Variants in ATL2 observed in about 807,000 individuals in gnomAD.
ATL2 encodes atlastin-2.
Under a neutral mutation model 73.9 loss-of-function variants are expected in ATL2, and 31 were observed. That is an observed-to-expected ratio of 0.42 (90% confidence interval 0.32 to 0.57). ATL2 has a LOEUF of 0.57. ATL2 is among the 20% of genes least tolerant of loss of function. ATL2 has a pLI of 0.14. For missense variants in ATL2, 738 were observed against 702.6 expected (o/e 1.05, Z -0.57); for synonymous variants, 291 against 237.5 (o/e 1.23, Z -2.07).
chr2:38,324,422 C>T (rs1668488937), intron 2 of ATL2, among the ~76,000 whole-genome samples: 1 of 152,178 alleles, frequency 6.6e-6, no homozygotes, highest in Non-Finnish European at 1.5e-5. Flanking sequence ...ACTCAGCACC[C>T]AAAGTGATGG....
upstream of ATL2, among the ~76,000 whole-genome samples, chr2:38,377,440 C>T (rs967749795): frequency 2.0e-5 from 3 of 150,868 alleles, no homozygotes; most frequent in African/African-American, 7.3e-5. Flanking sequence ...CCTCCGCCCC[C>T]GCCCCGCCCA....
chr2:38,318,735 CAAGAA>C (rs1289811477), intron 3 of ATL2, 96 bp from the exon 4 acceptor site: 17 of 1,326,470 alleles, frequency 1.3e-5, no homozygotes, highest in African/African-American at 7.4e-5. Context: ...GTAATTAAAT[CAAGAA>C]AAGTACTTAT....
At chr2:38,348,674 T>G (rs375007389) in intron 1 of ATL2, among the ~76,000 whole-genome samples, 215 of 147,596 alleles carry the variant, frequency 1.5e-3, no homozygotes, top group African/African-American at 4.7e-3. Flanking sequence ...TGACAAATGG[T>G]ATCTAATTAA....
intron 2 of ATL2, among the ~76,000 whole-genome samples, chr2:38,320,204 C>T (rs879273849): frequency 6.6e-6 from 1 of 152,082 alleles, no homozygotes; most frequent in Non-Finnish European, 1.5e-5. Flanking sequence ...CTTTTTTAAA[C>T]CAACAGGAAA....
At chr2:38,319,150 A>C in intron 2 of ATL2, 131 bp from the exon 3 acceptor site, 1 of 949,100 alleles carries the variant, frequency 1.1e-6, no homozygotes, top group Non-Finnish European at 1.6e-6. Context: ...TGTGTAACAA[A>C]CAAGTAGTTA....
rs75186781 is a variant in ATL2, at chr2:38,373,558, T to C, written c.118+3585A>G. 2.7e-3 allele frequency among the ~76,000 whole-genome samples: 410 copies of C among 152,302 alleles called. 9 individuals are homozygous for C. The East Asian group carries it at 0.065, about 24-fold the overall frequency. On this transcript the variant is annotated intron_variant, in intron 1 of 12. Transcript: ENST00000378954. The stretch of plus-strand genomic sequence containing the variant: ...TTAGTCTTTTATGACTTAAAAGTTG[T>C]TTCTAGTAACTATCATCCGACCATA...
chr2:38,332,120 AT>A (rs1188589149), intron 2 of ATL2, among the ~76,000 whole-genome samples: 6 of 152,200 alleles, frequency 3.9e-5, no homozygotes, highest in African/African-American at 1.4e-4. Flanking sequence ...CAGAAAATAG[AT>A]TAGCGGTTCC....
intron 4 of ATL2, among the ~76,000 whole-genome samples, chr2:38,317,811 A>C (rs993816917): frequency 6.6e-6 from 1 of 151,864 alleles, no homozygotes; most frequent in African/African-American, 2.4e-5. Flanking sequence ...TTAAAAAAAA[A>C]AGTATGTATT....
chr2:38,360,725 T>G (rs1670963949), intron 1 of ATL2, among the ~76,000 whole-genome samples: 2 of 152,178 alleles, frequency 1.3e-5, no homozygotes, highest in African/African-American at 4.8e-5. Context: ...AGACGGGCTC[T>G]TAGGTACTTT....
rs1197957683 is a variant in ATL2, at chr2:38,314,622, G to C, written c.697C>G (p.Gln233Glu). The C allele has an allele frequency of 6.2e-7, 1 of 1,600,030 alleles. No individual in the cohort carries two copies. Among genetic ancestry groups the C allele is most frequent in the South Asian group, 1.1e-5 (1 of 90,532 alleles). Residue 233 changes from glutamine to glutamate, a missense_variant, in exon 6 of 13, where the codon CAG becomes GAG. Physicochemically the swap from Gln to Glu is conservative, Grantham distance 29. Transcript: ENST00000378954. ...YGRLAMEEIY[Q>E]KPFQTLMFLI... Reference sequence around the variant, plus strand: ...AACTTTTTTACCTGAAATGGTTTCTGGTAGATTTCTTCCATCGCAAGTCTT... The same window carrying C: ...AACTTTTTTACCTGAAATGGTTTCTCGTAGATTTCTTCCATCGCAAGTCTT...
At chr2:38,315,442 A>C in intron 4 of ATL2, 108 bp from the exon 5 acceptor site, 2 of 1,153,846 alleles carry the variant, frequency 1.7e-6, no homozygotes, top group Non-Finnish European at 1.2e-6. Flanking sequence ...CTCAGCGCAA[A>C]GGAATCATTT....
At chr2:38,322,723 G>C (rs979248561) in intron 2 of ATL2, among the ~76,000 whole-genome samples, 33 of 152,058 alleles carry the variant, frequency 2.2e-4, no homozygotes, top group Admixed American at 8.5e-4. Context: ...GTCAGCAAAA[G>C]GATGAAAGAA....
intron 1 of ATL2, among the ~76,000 whole-genome samples, chr2:38,363,858 T>G (rs1366649642): frequency 6.6e-6 from 1 of 152,234 alleles, no homozygotes; most frequent in Non-Finnish European, 1.5e-5. Context: ...AAATGCTATT[T>G]GAGTACAAAA....
chr2:38,310,050 C>A (rs1667662769), intron 8 of ATL2, among the ~76,000 whole-genome samples: 1 of 152,168 alleles, frequency 6.6e-6, no homozygotes, highest in African/African-American at 2.4e-5. Flanking sequence ...AAAAGAAATG[C>A]TCTCAGCCTT....
intron 2 of ATL2, among the ~76,000 whole-genome samples, chr2:38,327,551 A>C (rs571058183): frequency 1.3e-5 from 2 of 151,910 alleles, no homozygotes; most frequent in Admixed American, 1.3e-4. Context: ...AAAAAAAAAA[A>C]AAAAACACCA....
At chr2:38,347,606 A>G (rs1306251838) in intron 1 of ATL2, among the ~76,000 whole-genome samples, 2 of 152,088 alleles carry the variant, frequency 1.3e-5, no homozygotes, top group African/African-American at 4.8e-5. Flanking sequence ...ACTCCACAGA[A>G]TGAGTGTGCC....
intron 1 of ATL2, among the ~76,000 whole-genome samples, chr2:38,375,396 T>G (rs1292048644): frequency 6.6e-6 from 1 of 152,184 alleles, no homozygotes; most frequent in Non-Finnish European, 1.5e-5. Flanking sequence ...GTGAAGGTCT[T>G]GCTGATCCGT....
chr2:38,330,230 A>C (rs564307797), intron 2 of ATL2, among the ~76,000 whole-genome samples: 1 of 151,820 alleles, frequency 6.6e-6, no homozygotes, highest in South Asian at 2.1e-4. Context: ...AAAAAAAAAA[A>C]AACTCCCAGC....
chr2:38,360,259 C>CTTTTTTT lies in ATL2; in HGVS notation c.119-16754_119-16748dup, dbSNP rs566192942. On this transcript the variant is annotated intron_variant, in intron 1 of 12. Coordinates refer to ENST00000378954, the MANE Select transcript of ATL2 (RefSeq NM_001135673.4). ...AGAATAAGCGATGGCTCAGGGGATT[C>CTTTTTTT]TTTTTTTTTTTTTTAAGATTTTGGG... 3.9e-3 allele frequency among the ~76,000 whole-genome samples: 522 copies of CTTTTTTT among 135,386 alleles called. 1 individual carries two copies. Among genetic ancestry groups the CTTTTTTT allele is most frequent in the African/African-American group, 0.012 (431 of 37,436 alleles). 88.8% of individuals were successfully genotyped at this position (135,386 alleles called of 152,430 possible).
Sources: gnomAD v4.1 joint callset for allele counts (sites outside exome capture counted in the v4.1 genomes callset) on GRCh38, gnomAD v4.1.1 for gene constraint, MANE v1.5 for transcripts, NCBI Gene and HGNC (gene_info 2026-07-23, HGNC 2026-07-21) for gene names.